FBXL3: variants seen among roughly 807,000 people sequenced by gnomAD.
FBXL3 encodes the protein F-box and leucine rich repeat protein 3, also known as F-box/LRR-repeat protein 3.
In FBXL3, 14 loss-of-function variants were observed where a neutral mutation model predicts 37.9. The observed-to-expected ratio is 0.37, with a 90% CI of 0.24 to 0.58. The LOEUF is 0.58. Ranked by LOEUF, FBXL3 falls within the 20% of genes least tolerant of loss-of-function variation. FBXL3 has a pLI of 0.74. For synonymous variants in FBXL3, 194 were observed against 180.1 expected (o/e 1.08, Z -0.62); for missense variants, 327 against 511.1 (o/e 0.64, Z 3.47).
chr13:77,018,819 A>G, intron 2 of FBXL3, 97 bp from the exon 3 acceptor site: 3 of 1,017,676 alleles, frequency 2.9e-6, no homozygotes, highest in Non-Finnish European at 4.1e-6. Flanking sequence ...GTATATATTT[A>G]TATTTCTCTG....
chr13:77,017,778 G>A (rs928018274), intron 3 of FBXL3: 7 of 152,058 alleles, frequency 4.6e-5, no homozygotes, highest in African/African-American at 1.7e-4. Context: ...ATTTGGTACA[G>A]ACATTCCACT....
chr13:77,026,785 C>A (rs1277538441), intron 1 of FBXL3, 42 bp downstream of exon 1: 5 of 149,004 alleles, frequency 3.4e-5, no homozygotes, highest in Non-Finnish European at 6.0e-5. Context: ...CTCCCCGGCT[C>A]CGCCGTCGCA....
chr13:77,021,844 C>G lies in FBXL3; in HGVS notation c.17G>C (p.Arg6Thr). 1 of 1,607,758 alleles carries G rather than the reference C, an allele frequency of 6.2e-7. No individual in the cohort carries two copies. The highest frequency in any genetic ancestry group is 8.5e-7 in the Non-Finnish European group (1 of 1,176,710). ...TTCTGATGAATTACGGTCACTATCT[C>G]TTCCTCCTCGTTTCATCCTATTCCG... is the stretch of plus-strand genomic sequence containing the variant. Reference protein sequence around the residue: MKRGGRDSDRNSSEEG... With the variant: MKRGGTDSDRNSSEEG... Residue 6 changes from arginine to threonine, a missense_variant, in exon 2 of 5, where the codon AGA (arginine) becomes ACA (threonine). Coordinates refer to ENST00000355619, the MANE Select transcript of FBXL3 (RefSeq NM_012158.4).
At position 77,007,336 on chromosome 13, in the gene FBXL3, G is replaced by A. The variant is rs76487761; in HGVS notation, c.1096C>T (p.Leu366=). The change falls in exon 5 of 5, where the codon CTA becomes TTA. Residue 366 remains leucine (L), a synonymous_variant. Coordinates refer to ENST00000355619, the MANE Select transcript of FBXL3 (RefSeq NM_012158.4). Reference sequence around the variant, plus strand: ...CTACATGAGACTTCACATTCCCCTAGTCCAATAGCTGACAAATTTTTGCAA... The same window carrying A: ...CTACATGAGACTTCACATTCCCCTAATCCAATAGCTGACAAATTTTTGCAA... ...ERCKNLSAIG[L]GECEVSCSAF... 2.6e-3 allele frequency: 4,188 copies of A among 1,614,072 alleles called. 83 individuals carry two copies. In the African/African-American group the frequency reaches 0.042, roughly 16 times the overall value.
chr13:77,019,091 AT>A (rs1183915790), intron 2 of FBXL3: 3 of 158,496 alleles, frequency 1.9e-5, no homozygotes, highest in African/African-American at 7.2e-5. Flanking sequence ...TCTTTAAAAA[AT>A]AATTATGTAT....
intron 1 of FBXL3, among the ~76,000 whole-genome samples, chr13:77,023,601 G>C (rs2034786631): frequency 6.6e-6 from 1 of 152,160 alleles, no homozygotes; most frequent in Non-Finnish European, 1.5e-5. Flanking sequence ...AATGGCTGCA[G>C]ACCACTCACT....
chr13:77,006,931 CG>C lies in FBXL3; in HGVS notation c.*213del. 1 of 1,360,044 alleles carries C rather than the reference CG, an allele frequency of 7.4e-7. No individual in the cohort carries two copies. The highest frequency in any genetic ancestry group is 9.4e-7 in the Non-Finnish European group (1 of 1,059,742). The allele number at this position is 1,360,044 out of a possible 1,614,324, so 84.2% of individuals were successfully genotyped here. On this transcript the variant is annotated 3_prime_UTR_variant, in exon 5 of 5. Coordinates refer to ENST00000355619, the MANE Select transcript of FBXL3 (RefSeq NM_012158.4). ...CATCCGAACCACATTAAAAAAAATTCGGAGATATGACTGCTATTACACTAAG... is the reference window on the plus strand; with the variant it reads ...CATCCGAACCACATTAAAAAAAATTCGAGATATGACTGCTATTACACTAAG...
At chr13:77,011,520 G>T (rs1415746628) in intron 4 of FBXL3, among the ~76,000 whole-genome samples, 1 of 151,904 alleles carries the variant, frequency 6.6e-6, no homozygotes, top group Non-Finnish European at 1.5e-5. Flanking sequence ...CCATGAGTTC[G>T]AGACTAGCCT....
intron 4 of FBXL3, 74 bp from the exon 5 acceptor site, chr13:77,007,862 T>C: frequency 7.4e-7 from 1 of 1,347,550 alleles, no homozygotes; most frequent in Non-Finnish European, 1.0e-6. Context: ...CAAGTACATG[T>C]CCCACAAAAG....
chr13:77,025,225 T>G (rs2154038065), intron 1 of FBXL3, among the ~76,000 whole-genome samples: 1 of 152,264 alleles, frequency 6.6e-6, no homozygotes, highest in Non-Finnish European at 1.5e-5. Context: ...ACTCTAGAAA[T>G]CTAGAGCACC....
Position 77,018,548 on chromosome 13 carries a change from G to C in FBXL3, c.471+52C>G, listed in dbSNP as rs1034826789. Reference sequence around the variant, plus strand: ...CTGTCAATACAAAAAAAAAAGATTAGACTTTCACTGAATTTCTCAGTAATA... The same window carrying C: ...CTGTCAATACAAAAAAAAAAGATTACACTTTCACTGAATTTCTCAGTAATA... On this transcript the variant is annotated intron_variant, in intron 3 of 4. Transcript: ENST00000355619. 5.0e-6 allele frequency: 7 copies of C among 1,406,262 alleles called. No homozygotes were observed. In the East Asian group the frequency reaches 1.8e-4, roughly 36 times the overall value. The allele number at this position is 1,406,262 out of a possible 1,614,324, so 87.1% of individuals were successfully genotyped here. A position where few individuals can be genotyped will look rare whatever the true frequency, so the allele number is the denominator to read the frequency against.
At chr13:77,015,612 T>G in intron 3 of FBXL3, 32 bp from the exon 4 acceptor site, 10 of 1,389,738 alleles carry the variant, frequency 7.2e-6, no homozygotes, top group Non-Finnish European at 9.5e-6. Flanking sequence ...ATAAAAATTA[T>G]TTCAATTTTT....
chr13:77,015,524 C>G lies in FBXL3; in HGVS notation c.528G>C (p.Ser176=). Residue 176 remains serine, a synonymous_variant, in exon 4 of 5, where the codon TCG becomes TCC. Coordinates refer to ENST00000355619, the MANE Select transcript of FBXL3 (RefSeq NM_012158.4). ...CTACTGGAGTATCATCTATCTTAAG[C>G]GAAGACAGGGATTTGGAGTTTACGA... The part of the protein sequence containing the change: ...VVFVNSKSLS[S]LKIDDTPVDD... The G allele has an allele frequency of 1.2e-6, 2 of 1,604,510 alleles. No individual in the cohort carries two copies. The highest frequency in any genetic ancestry group is 1.7e-6 in the Non-Finnish European group (2 of 1,175,388).
rs1477072766 is a variant in FBXL3 at position 77,023,024 on chromosome 13, T to C, written c.-1-1163A>G. On this transcript the variant is annotated intron_variant, in intron 1 of 4. Transcript: ENST00000355619. ...AAGGGGAGATACGACTGTTGAACTGTTGAGATATGACTGTTGTGTAGGAAA... is the reference window on the plus strand; with the variant it reads ...AAGGGGAGATACGACTGTTGAACTGCTGAGATATGACTGTTGTGTAGGAAA... Among the ~76,000 whole-genome samples, 7 of 152,292 alleles carry C rather than the reference T, an allele frequency of 4.6e-5. No individual in the cohort carries two copies. In the East Asian group the frequency reaches 9.6e-4, roughly 21 times the overall value.
chr13:77,019,877 C>A (rs1171066334), intron 2 of FBXL3, among the ~76,000 whole-genome samples: 3 of 151,210 alleles, frequency 2.0e-5, no homozygotes, highest in Non-Finnish European at 4.4e-5. Flanking sequence ...TCAACTTTTG[C>A]ACAAATGATT....
intron 4 of FBXL3, chr13:77,014,318 G>T (rs925603806): frequency 1.3e-5 from 2 of 152,234 alleles, no homozygotes; most frequent in African/African-American, 4.8e-5. Flanking sequence ...AAAGGACCTT[G>T]TACACTATGA....
intron 1 of FBXL3, among the ~76,000 whole-genome samples, chr13:77,023,065 C>T (rs1169083273): frequency 2.6e-5 from 4 of 152,290 alleles, no homozygotes; most frequent in Non-Finnish European, 4.4e-5. Flanking sequence ...CCAGCATTAA[C>T]GACATTAAAG....
chr13:77,025,711 A>AAC (rs2034825975), intron 1 of FBXL3, among the ~76,000 whole-genome samples: 4 of 151,438 alleles, frequency 2.6e-5, no homozygotes, highest in African/African-American at 7.3e-5. Flanking sequence ...AAAAAAAAAA[A>AAC]ACTTTGAAAG....
At chr13:77,019,461 T>C (rs73539761) in intron 2 of FBXL3, among the ~76,000 whole-genome samples, 4,840 of 152,308 alleles carry the variant, frequency 0.032, 174 homozygotes, top group African/African-American at 0.091. Context: ...TCATATACAC[T>C]ACTTTATCCC....
Sources: allele counts gnomAD v4.1 joint callset (sites outside exome capture counted in the v4.1 genomes callset), GRCh38; gene constraint gnomAD v4.1.1; transcripts MANE v1.5; gene names NCBI Gene and HGNC (gene_info 2026-07-23, HGNC 2026-07-21).